Variants in CRNN observed in about 807,000 individuals in gnomAD.
The protein encoded by CRNN is cornulin.
A neutral mutation model predicts 44.7 loss-of-function variants in CRNN; 39 were observed. That is an observed-to-expected ratio of 0.87 (90% CI 0.68 to 1.14). The LOEUF (loss-of-function observed/expected upper bound fraction) is 1.14, where lower values mean the gene tolerates loss of function less well. Ranked by LOEUF, CRNN falls within the 50% of genes most tolerant of loss-of-function variation. CRNN has a pLI of 0.00. For synonymous variants in CRNN, 240 were observed against 231.8 expected, an observed-to-expected ratio of 1.04 and a Z score of -0.32; for missense variants, 606 against 605.1, an observed-to-expected ratio of 1.00 and a Z score of -0.02.
At position 152,409,586 on chromosome 1, in the gene CRNN, C is replaced by T. The variant is rs10888486; in HGVS notation, c.*8G>A. 0.16 allele frequency: 261,413 copies of T among 1,599,372 alleles called. 25,579 individuals are homozygous for T. The highest frequency in any genetic ancestry group is 0.41 in the East Asian group (18,346 of 44,824). ...TTCTTCCAGTACTGGACATTGGAGT[C>T]GGGGAAGTCATGGCTTGGTGCTTCT... On this transcript the variant is annotated 3_prime_UTR_variant, in exon 3 of 3. Transcript: ENST00000271835.
Position 152,409,584 on chromosome 1 carries a change from G to A in CRNN, c.*10C>T, listed in dbSNP as rs1476838002. Reference sequence around the variant, plus strand: ...TCTTCTTCCAGTACTGGACATTGGAGTCGGGGAAGTCATGGCTTGGTGCTT... The same window carrying A: ...TCTTCTTCCAGTACTGGACATTGGAATCGGGGAAGTCATGGCTTGGTGCTT... On this transcript the variant is annotated 3_prime_UTR_variant, in exon 3 of 3. Transcript: ENST00000271835. The A allele has an allele frequency of 6.3e-7, 1 of 1,598,752 alleles. No individual in the cohort carries two copies. Among genetic ancestry groups the A allele is most frequent in the Non-Finnish European group, 8.5e-7 (1 of 1,172,488 alleles).
chr1:152,412,240 A>T lies in CRNN; in HGVS notation c.-7T>A, dbSNP rs780249130. On this transcript the variant is annotated 5_prime_UTR_variant, in exon 2 of 3. Transcript: ENST00000271835. ...TTTGCAGTAACTGAGGCATCTTTGAAGTCAACCTGGAAAAGATGAAAAGTT... is the reference window on the plus strand; with the variant it reads ...TTTGCAGTAACTGAGGCATCTTTGATGTCAACCTGGAAAAGATGAAAAGTT... 1 of 1,604,504 alleles carries T rather than the reference A, an allele frequency of 6.2e-7. No homozygotes were observed. Among genetic ancestry groups the T allele is most frequent in the East Asian group, 2.2e-5 (1 of 44,562 alleles).
chr1:152,410,725 A>T lies in CRNN; in HGVS notation c.357T>A (p.Ser119Arg). Residue 119 changes from serine (S) to arginine (R), a missense_variant, in exon 3 of 3, where the codon AGT becomes AGA. Transcript: ENST00000271835. Reference protein sequence around the residue: ...ASQELGEGQRSGTEVGRAGKG... With the variant: ...ASQELGEGQRRGTEVGRAGKG... ...TCCCCGCCCTTCCCACTTCAGTGCC[A>T]CTTCTCTGTCCTTCGCCCAGCTCCT... 6.2e-7 allele frequency: 1 copy of T among 1,613,668 alleles called. No homozygotes were observed. Among genetic ancestry groups the T allele is most frequent in the Non-Finnish European group, 8.5e-7 (1 of 1,179,896 alleles).
intron 1 of CRNN, among the ~76,000 whole-genome samples, chr1:152,413,115 A>G (rs548382346): frequency 6.6e-6 from 1 of 152,290 alleles, no homozygotes; most frequent in South Asian, 2.1e-4. Flanking sequence ...GTTTCTCTGC[A>G]TGTCGCCTCT....
Position 152,410,960 on chromosome 1 carries a change from G to T in CRNN, c.139-17C>A, listed in dbSNP as rs1474687437. On this transcript the variant is annotated splice_polypyrimidine_tract_variant and intron_variant, in intron 2 of 2. Coordinates refer to ENST00000271835, the MANE Select transcript of CRNN (RefSeq NM_016190.3). The stretch of plus-strand genomic sequence containing the variant: ...GTGGGGTTTCTGAGGAGAAGATGAG[G>T]TGGAGTCAGCATCCCTCCCCTGAGG... 2.5e-6 allele frequency: 4 copies of T among 1,584,136 alleles called. No individual in the cohort carries two copies. The highest frequency in any genetic ancestry group is 2.6e-6 in the Non-Finnish European group (3 of 1,167,072).
chr1:152,410,849 A>G lies in CRNN; in HGVS notation c.233T>C (p.Val78Ala), dbSNP rs551661375. The G allele has an allele frequency of 6.8e-6, 11 of 1,614,000 alleles. No homozygotes were observed. Among genetic ancestry groups the G allele is most frequent in the Non-Finnish European group, 9.3e-6 (11 of 1,180,016 alleles). ...TVEFKEFLVLVFKVAQACFKT... is the reference protein window; with the variant it reads ...TVEFKEFLVLAFKVAQACFKT... ...GAAACAGGCCTGGGCAACTTTAAAC[A>G]CTAAGACCAGGAATTCCTTGAATTC... The change falls in exon 3 of 3, where the codon GTG becomes GCG. Residue 78 changes from valine to alanine, a missense_variant. Coordinates refer to ENST00000271835, the MANE Select transcript of CRNN (RefSeq NM_016190.3).
intron 2 of CRNN, among the ~76,000 whole-genome samples, chr1:152,411,316 C>T (rs1655758148): frequency 6.6e-6 from 1 of 152,182 alleles, no homozygotes; most frequent in Admixed American, 6.5e-5. Flanking sequence ...TTCAGCAGGC[C>T]CAGCACAAAG....
intron 1 of CRNN, among the ~76,000 whole-genome samples, chr1:152,412,635 A>G (rs1171209915): frequency 2.0e-5 from 3 of 152,262 alleles, no homozygotes; most frequent in Non-Finnish European, 1.5e-5. Context: ...CTTATTAAAT[A>G]TAATTATTAT....
intron 1 of CRNN, among the ~76,000 whole-genome samples, chr1:152,413,572 A>G (rs574982827): frequency 6.6e-6 from 1 of 151,998 alleles, no homozygotes; most frequent in East Asian, 1.9e-4. Context: ...TTCAGGAGAA[A>G]CCCTTTCTAG....
Position 152,409,651 on chromosome 1 carries a change from C to T in CRNN, c.1431G>A (p.Glu477=), listed in dbSNP as rs1225580899. The change falls in exon 3 of 3, where the codon GAG becomes GAA. Residue 477 remains glutamate, a synonymous_variant. Transcript: ENST00000271835. ...GCTCTCTAGCTGTGATGCCTCGCTT[C>T]TCTTCTGACTGGGCTGCATCCTGGC... ...AQGQDAAQSE[E]KRGITARELY... is the part of the protein sequence containing the mutation. 6.2e-7 allele frequency: 1 copy of T among 1,614,160 alleles called. No individual in the cohort carries two copies. The highest frequency in any genetic ancestry group is 8.5e-7 in the Non-Finnish European group (1 of 1,180,020).
At position 152,410,153 on chromosome 1, in the gene CRNN, G is replaced by T. The variant is rs1655709952; in HGVS notation, c.929C>A (p.Thr310Lys). The T allele has an allele frequency of 6.2e-7, 1 of 1,612,524 alleles. No homozygotes were observed. Among genetic ancestry groups the T allele is most frequent in the East Asian group, 2.2e-5 (1 of 44,802 alleles). ...CTGTGTCTGGGTGCTGGTGCTTCCT[G>T]TCTGGTGGCTGCTGTCCTGCTCCAC... Reference protein sequence around the residue: ...QTVEQDSSHQTGSTSTQTQES... With the variant: ...QTVEQDSSHQKGSTSTQTQES... The change falls in exon 3 of 3, where the codon ACA becomes AAA. Residue 310 changes from threonine to lysine, a missense_variant. Thr to Lys is a moderately conservative substitution (Grantham distance 78). Transcript: ENST00000271835.
intron 2 of CRNN, 54 bp downstream of exon 2, chr1:152,412,042 C>G: frequency 6.6e-7 from 1 of 1,523,826 alleles, no homozygotes; most frequent in Non-Finnish European, 8.9e-7. Flanking sequence ...TGCAGGCAAA[C>G]CAGGTTTCAC....
chr1:152,411,458 A>T (rs1318451054), intron 2 of CRNN, among the ~76,000 whole-genome samples: 1 of 152,196 alleles, frequency 6.6e-6, no homozygotes, highest in Non-Finnish European at 1.5e-5. Context: ...TGGATGCAGC[A>T]TCCTTCTGTG....
In CRNN at chr1:152,410,232, C is replaced by T; in HGVS notation, c.850G>A (p.Gly284Arg). 1.2e-6 allele frequency: 2 copies of T among 1,613,492 alleles called. No individual in the cohort carries two copies. The highest frequency in any genetic ancestry group is 1.7e-6 in the Non-Finnish European group (2 of 1,179,608). The change falls in exon 3 of 3, where the codon GGA becomes AGA. Residue 284 changes from glycine to arginine, a missense_variant. By Grantham distance (125) the Gly-to-Arg change is moderately radical. Transcript: ENST00000271835. Reference sequence around the variant, plus strand: ...CCTGCCTGTATCTGAGCATGTCCTCCTGTCACAGCCTGGCTGGTCTGGCTC... The same window carrying T: ...CCTGCCTGTATCTGAGCATGTCCTCTTGTCACAGCCTGGCTGGTCTGGCTC... ...GRSQTSQAVTGGHAQIQAGTH... is the reference protein window; with the variant it reads ...GRSQTSQAVTRGHAQIQAGTH...
chr1:152,410,372 C>T lies in CRNN; in HGVS notation c.710G>A (p.Gly237Asp). The T allele has an allele frequency of 6.2e-7, 1 of 1,614,070 alleles. No homozygotes were observed. The highest frequency in any genetic ancestry group is 8.5e-7 in the Non-Finnish European group (1 of 1,180,008). ...VTGSGTQTQA[G>D]ATQTVEQDSS... Reference sequence around the variant, plus strand: ...GTCCTGCTCCACAGTCTGGGTGGCACCTGCCTGGGTCTGAGTTCCAGATCC... The same window carrying T: ...GTCCTGCTCCACAGTCTGGGTGGCATCTGCCTGGGTCTGAGTTCCAGATCC... Residue 237 changes from glycine (G) to aspartate (D), a missense_variant, in exon 3 of 3, where the codon GGT (glycine) becomes GAT (aspartate). Physicochemically the swap from Gly to Asp is moderately conservative, Grantham distance 94 (BLOSUM62 -1). Coordinates refer to ENST00000271835, the MANE Select transcript of CRNN (RefSeq NM_016190.3).
chr1:152,410,251 C>T lies in CRNN; in HGVS notation c.831G>A (p.Gln277=). 2 of 1,613,960 alleles carry T rather than the reference C, an allele frequency of 1.2e-6. No individual in the cohort carries two copies. The highest frequency in any genetic ancestry group is 1.7e-6 in the Non-Finnish European group (2 of 1,179,964). Residue 277 remains glutamine (Q), a synonymous_variant, in exon 3 of 3, where the codon CAG becomes CAA. Transcript: ENST00000271835. ...GTCCTCCTGTCACAGCCTGGCTGGT[C>T]TGGCTCCTGCCTTGACCGTGGGTCT... ...GTETHGQGRS[Q]TSQAVTGGHA...
chr1:152,413,119 C>T (rs568254505), intron 1 of CRNN, among the ~76,000 whole-genome samples: 42 of 152,268 alleles, frequency 2.8e-4, no homozygotes, highest in African/African-American at 1.0e-3. Context: ...CTCTGCATGT[C>T]GCCTCTGTCC....
At position 152,410,977 on chromosome 1, in the gene CRNN, C is replaced by T. The variant is rs779783544; in HGVS notation, c.139-34G>A. ...AAGATGAGGTGGAGTCAGCATCCCT[C>T]CCCTGAGGAGGACATGGGCAGGTCC... On this transcript the variant is annotated intron_variant, in intron 2 of 2. Transcript: ENST00000271835. 1.8e-5 allele frequency: 28 copies of T among 1,564,590 alleles called. No individual in the cohort carries two copies. In the Admixed American group the frequency reaches 1.9e-4, roughly 11 times the overall value.
Position 152,409,518 on chromosome 1 carries a change from C to G in CRNN, c.*76G>C. On this transcript the variant is annotated 3_prime_UTR_variant, in exon 3 of 3. Transcript: ENST00000271835. ...GAGCTGATGTCCAGGGATGCACCCACTGGATTGGCCATGCAGGACAAGCCA... is the reference window on the plus strand; with the variant it reads ...GAGCTGATGTCCAGGGATGCACCCAGTGGATTGGCCATGCAGGACAAGCCA... 6.5e-7 allele frequency: 1 copy of G among 1,533,856 alleles called. No homozygotes were observed. The highest frequency in any genetic ancestry group is 2.1e-5 in the Admixed American group (1 of 48,484).
Sources: allele counts gnomAD v4.1 joint callset (sites outside exome capture counted in the v4.1 genomes callset), GRCh38; gene constraint gnomAD v4.1.1; transcripts MANE v1.5; gene names NCBI Gene and HGNC (gene_info 2026-07-23, HGNC 2026-07-21).